The following EPCAM variants were observed in gnomAD, a reference collection of about 807,000 sequenced individuals.
EPCAM encodes the protein adenocarcinoma-associated antigen.
Under a neutral mutation model 40.0 loss-of-function variants are expected in EPCAM, and 39 were observed. The observed-to-expected ratio is 0.98, with a 90% CI of 0.76 to 1.27. EPCAM has a LOEUF of 1.27. EPCAM is among the 50% of genes most tolerant of loss of function. The pLI, the probability that EPCAM is intolerant of heterozygous loss-of-function variation, is 0.00. For synonymous variants in EPCAM, 168 were observed against 132.3 expected, an observed-to-expected ratio of 1.27 and a Z score of -1.85; for missense variants, 503 against 381.2, an observed-to-expected ratio of 1.32 and a Z score of -2.66.
Position 47,373,792 on chromosome 2 carries a change from A to C in EPCAM, c.185-16A>C, listed in dbSNP as rs1416832097. 2 of 1,614,034 alleles carry C rather than the reference A, an allele frequency of 1.2e-6. No homozygotes were observed. Among genetic ancestry groups the C allele is most frequent in the South Asian group, 2.2e-5 (2 of 91,076 alleles). ...ATCAGTTATTTTTCAGTTTGGCATT[A>C]AGGTTTCTTTTTCAGTGGCTGCCAA... On this transcript the variant is annotated splice_polypyrimidine_tract_variant and intron_variant, in intron 2 of 8. Transcript: ENST00000263735.
At chr2:47,377,737 G>A in intron 5 of EPCAM, 1 of 451,322 alleles carries the variant, frequency 2.2e-6, no homozygotes, top group Non-Finnish European at 4.5e-6. Context: ...CAGTTTTGGT[G>A]CATATTTACT....
At chr2:47,381,392 C>CA (rs370875469) in intron 7 of EPCAM, among the ~76,000 whole-genome samples, 3,931 of 73,992 alleles carry the variant, frequency 0.053, 277 homozygotes, top group African/African-American at 0.15. Flanking sequence ...AACTCCGTCT[C>CA]AAAAAAAAAA....
chr2:47,378,764 T>C (rs1671496091), intron 5 of EPCAM, among the ~76,000 whole-genome samples, 189 bp from the exon 6 acceptor site: 1 of 152,178 alleles, frequency 6.6e-6, no homozygotes, highest in African/African-American at 2.4e-5. Flanking sequence ...TTCCCTTTGA[T>C]AGATTTAGAG....
Position 47,386,572 on chromosome 2 carries a change from A to G in EPCAM, c.904A>G (p.Ile302Val), listed in dbSNP as rs1373578863. Residue 302 changes from isoleucine (I) to valine (V), a missense_variant and splice_region_variant, in exon 9 of 9, where the codon ATA becomes GTA. By Grantham distance (29) the Ile-to-Val change is conservative. Transcript: ENST00000263735. ...KRMAKYEKAE[I>V]KEMGEMHREL... ...TTTTCTGTGCTTTTTCCTGTTTCAG[A>G]TAAAGGAGATGGGTGAGATGCATAG... The G allele has an allele frequency of 6.2e-7, 1 of 1,603,362 alleles. No individual in the cohort carries two copies. Among genetic ancestry groups the G allele is most frequent in the Non-Finnish European group, 8.5e-7 (1 of 1,172,450 alleles).
At chr2:47,372,449 C>G (rs561899517) in intron 1 of EPCAM, among the ~76,000 whole-genome samples, 1 of 151,150 alleles carries the variant, frequency 6.6e-6, no homozygotes, top group South Asian at 2.1e-4. Flanking sequence ...ACCAGCCTGA[C>G]CAACATGGTG....
rs138817415 is a variant in EPCAM, at chr2:47,372,600, C to T, written c.77-863C>T. 4.3e-3 allele frequency among the ~76,000 whole-genome samples: 647 copies of T among 152,122 alleles called. 3 individuals are homozygous for T. Among genetic ancestry groups the T allele is most frequent in the African/African-American group, 0.012 (515 of 41,498 alleles). ...CAGCCTGGCCATTATGCTGAAACCC[C>T]GTCTCTACTAAAAATACAAAAATTA... On this transcript the variant is annotated intron_variant, in intron 1 of 8. Transcript: ENST00000263735.
chr2:47,377,258 A>G (rs1671451152), intron 5 of EPCAM, among the ~76,000 whole-genome samples, 181 bp downstream of exon 5: 1 of 152,002 alleles, frequency 6.6e-6, no homozygotes, highest in Admixed American at 6.6e-5. Context: ...TTTCTTTAAG[A>G]CAGACTATTG....
chr2:47,377,142 G>A (rs2103753717), intron 5 of EPCAM, 65 bp downstream of exon 5: 3 of 1,067,508 alleles, frequency 2.8e-6, no homozygotes, highest in South Asian at 2.5e-5. Flanking sequence ...TGAGTATAAG[G>A]ACAGCCAGTG....
chr2:47,382,913 A>G (rs1225733945), intron 7 of EPCAM, among the ~76,000 whole-genome samples: 1 of 151,964 alleles, frequency 6.6e-6, no homozygotes, highest in African/African-American at 2.4e-5. Context: ...CAAAACTTAG[A>G]TGCATGTGTT....
chr2:47,379,131 C>G (rs541469474), intron 6 of EPCAM, 77 bp downstream of exon 6: 3 of 853,930 alleles, frequency 3.5e-6, no homozygotes, highest in African/African-American at 1.7e-5. Flanking sequence ...TATTTCATCA[C>G]CTTTTTATCC....
rs10176283 is a variant in EPCAM, at chr2:47,378,700, C to T, written c.556-253C>T. ...AAAAATCTTTTCAATATAAGAAAAT[C>T]CTCTTAGGAAAAATTGTACATTGTA... On this transcript the variant is annotated intron_variant, in intron 5 of 8. Transcript: ENST00000263735. Among the ~76,000 whole-genome samples, 152,278 of 152,288 alleles carry T rather than the reference C, an allele frequency of 1. 76,134 individuals carry two copies. The highest frequency in any genetic ancestry group is 1 in the Middle Eastern group (294 of 294).
At chr2:47,385,269 T>G (rs1428397644) in intron 8 of EPCAM, 59 bp downstream of exon 8, 2 of 1,339,022 alleles carry the variant, frequency 1.5e-6, no homozygotes, top group East Asian at 4.6e-5. Flanking sequence ...TCCTAATCAC[T>G]CTACCTTCCT....
At position 47,379,165 on chromosome 2, in the gene EPCAM, C is replaced by T. The variant is rs933305050; in HGVS notation, c.657+111C>T. On this transcript the variant is annotated intron_variant, in intron 6 of 8. Transcript: ENST00000263735. The stretch of plus-strand genomic sequence containing the variant: ...CCACTTACAGATCAACCAAATGGTT[C>T]GCTGCTGCCGTTAATTTTGTCCTCC... 3.5e-5 allele frequency: 25 copies of T among 706,006 alleles called. No homozygotes were observed. The African/African-American group carries it at 4.0e-4, about 11-fold the overall frequency. 43.7% of individuals were successfully genotyped at this position (706,006 alleles called of 1,614,324 possible).
At chr2:47,373,594 T>A (rs781528124) in intron 2 of EPCAM, 24 bp downstream of exon 2, 2 of 1,557,318 alleles carry the variant, frequency 1.3e-6, no homozygotes, top group East Asian at 4.5e-5. Context: ...CCTAATTACC[T>A]GTAAGCTTTA....
At chr2:47,370,466 G>A (rs906989239) in intron 1 of EPCAM, among the ~76,000 whole-genome samples, 2 of 152,032 alleles carry the variant, frequency 1.3e-5, no homozygotes, top group South Asian at 4.2e-4. Flanking sequence ...TAGTAGAGAC[G>A]GGGTTTCTCC....
intron 5 of EPCAM, among the ~76,000 whole-genome samples, chr2:47,377,975 G>C (rs7558107): frequency 0.086 from 13,022 of 152,136 alleles, 686 homozygotes; most frequent in East Asian, 0.17. Flanking sequence ...GCTCACGCCT[G>C]TAATCCCAGC....
intron 7 of EPCAM, among the ~76,000 whole-genome samples, chr2:47,381,478 G>A (rs1671587244): frequency 6.6e-6 from 1 of 151,346 alleles, no homozygotes; most frequent in African/African-American, 2.4e-5. Flanking sequence ...TAGATTTCCA[G>A]TTCAATCAAC....
intron 6 of EPCAM, 93 bp downstream of exon 6, chr2:47,379,147 C>T: frequency 6.4e-6 from 5 of 780,400 alleles, no homozygotes; most frequent in South Asian, 1.4e-5. Flanking sequence ...TATCCACTTA[C>T]AGATCAACCA....
intron 7 of EPCAM, among the ~76,000 whole-genome samples, chr2:47,383,604 C>CTTCTTTTTTTTTT (rs1671655397): frequency 1.8e-5 from 1 of 56,190 alleles, no homozygotes; most frequent in Non-Finnish European, 3.9e-5. Context: ...TGCCCGGCTT[C>CTTCTTTTTTTTTT]TTCTTTTTTT....
Sources: allele counts gnomAD v4.1 joint callset (sites outside exome capture counted in the v4.1 genomes callset), GRCh38; gene constraint gnomAD v4.1.1; transcripts MANE v1.5; gene names NCBI Gene and HGNC (gene_info 2026-07-23, HGNC 2026-07-21).